Variants in PLXDC2 observed in about 807,000 individuals in gnomAD.
PLXDC2 encodes plexin domain containing 2.
A neutral mutation model predicts 68.9 loss-of-function variants in PLXDC2; 40 were observed. The ratio of observed to expected loss-of-function variants is 0.58; its 90% CI spans 0.45 to 0.76. PLXDC2 has a LOEUF of 0.76. Among genes scored for constraint, PLXDC2 ranks in the 30% least tolerant of loss-of-function variants. The pLI is 0.00. For synonymous variants in PLXDC2, 243 were observed against 234.2 expected, an observed-to-expected ratio of 1.04 and a Z score of -0.34; for missense variants, 644 against 661.9, an observed-to-expected ratio of 0.97 and a Z score of 0.30.
At chr10:20,217,221 C>A (rs1473086017) in intron 10 of PLXDC2, among the ~76,000 whole-genome samples, 1 of 152,106 alleles carries the variant, frequency 6.6e-6, no homozygotes, top group East Asian at 1.9e-4. Flanking sequence ...AAGGGAAATG[C>A]CTTGTTCCAT....
chr10:20,083,034 G>A (rs1836598223), intron 4 of PLXDC2, among the ~76,000 whole-genome samples: 1 of 152,078 alleles, frequency 6.6e-6, no homozygotes, highest in South Asian at 2.1e-4. Flanking sequence ...AAGAAAAGTA[G>A]ATATGCTTCC....
At chr10:19,908,581 C>T (rs980960132) in intron 1 of PLXDC2, among the ~76,000 whole-genome samples, 1 of 152,038 alleles carries the variant, frequency 6.6e-6, no homozygotes, top group African/African-American at 2.4e-5. Flanking sequence ...AAAAAATGCA[C>T]ATATTAAGAT....
intron 13 of PLXDC2, among the ~76,000 whole-genome samples, chr10:20,274,722 C>T (rs1835983187): frequency 6.6e-6 from 1 of 152,114 alleles, no homozygotes; most frequent in South Asian, 2.1e-4. Context: ...ACCTACATTT[C>T]ATGAAGCAAA....
At chr10:19,885,870 G>GT (rs1284971950) in intron 1 of PLXDC2, among the ~76,000 whole-genome samples, 29 of 152,074 alleles carry the variant, frequency 1.9e-4, no homozygotes, top group Non-Finnish European at 3.8e-4. Flanking sequence ...CTTTAAAGTA[G>GT]TTTTTTCCAA....
intron 6 of PLXDC2, among the ~76,000 whole-genome samples, chr10:20,154,859 G>A (rs1834198099): frequency 6.6e-6 from 1 of 151,760 alleles, no homozygotes; most frequent in African/African-American, 2.4e-5. Context: ...AAATAAAAAT[G>A]TCATATAATC....
At chr10:20,031,367 TA>T (rs1050524375) in intron 2 of PLXDC2, among the ~76,000 whole-genome samples, 219 of 145,724 alleles carry the variant, frequency 1.5e-3, no homozygotes, top group Middle Eastern at 3.5e-3. Context: ...AAGATCCTAT[TA>T]AAAAAAAAAA....
chr10:20,139,836 A>G (rs1028719140), intron 4 of PLXDC2, among the ~76,000 whole-genome samples: 1 of 136,192 alleles, frequency 7.3e-6, no homozygotes, highest in African/African-American at 2.7e-5. Context: ...GGGGAACATC[A>G]CACACGGGGG....
At position 20,063,937 on chromosome 10, in the gene PLXDC2, T is replaced by G. The variant is rs1352488733; in HGVS notation, c.472-4233T>G. ...TTTTTGTTTGGCTCAAAGTTACCAT[T>G]CCCCCTTCTTTTGAATAGTTAACTG... On this transcript the variant is annotated intron_variant, in intron 3 of 13. Coordinates refer to ENST00000377252, the MANE Select transcript of PLXDC2 (RefSeq NM_032812.9). Among the ~76,000 whole-genome samples the G allele has an allele frequency of 2.0e-5, 3 of 152,300 alleles. No homozygotes were observed. In the East Asian group the frequency reaches 5.8e-4, roughly 29 times the overall value.
At chr10:20,014,378 C>CCTTT (rs1835169786) in intron 2 of PLXDC2, among the ~76,000 whole-genome samples, 1 of 59,588 alleles carries the variant, frequency 1.7e-5, no homozygotes, top group African/African-American at 6.0e-5. Context: ...TTCCTTCCTT[C>CCTTT]CTTGCTTCCT....
In PLXDC2 at chr10:20,217,595, GCTTTTT is replaced by G; in HGVS notation, c.1273+20_1273+25del. The G allele has an allele frequency of 3.8e-6, 1 of 262,556 alleles. No individual in the cohort carries two copies. Among genetic ancestry groups the G allele is most frequent in the African/African-American group, 7.9e-5 (1 of 12,624 alleles). The allele number at this position is 262,556 out of a possible 1,614,324, so 16.3% of individuals were successfully genotyped here. On this transcript the variant is annotated intron_variant, in intron 11 of 13. Transcript: ENST00000377252. ...ACAGAAGGTACCCAAGAGATAGTTT[GCTTTTT>G]TTTTTTTTTTTTTTTTTTTTTTTCC...
chr10:19,817,607 T>A (rs539786005), intron 1 of PLXDC2, among the ~76,000 whole-genome samples: 1 of 152,280 alleles, frequency 6.6e-6, no homozygotes, highest in South Asian at 2.1e-4. Flanking sequence ...GGGGACGTTG[T>A]GAAAGCCAGG....
At chr10:19,909,034 C>T (rs922604508) in intron 1 of PLXDC2, among the ~76,000 whole-genome samples, 3 of 152,146 alleles carry the variant, frequency 2.0e-5, no homozygotes, top group African/African-American at 7.2e-5. Flanking sequence ...ATGACTGTTT[C>T]CTATGATGTG....
At chr10:20,255,191 GGATA>G (rs199581943) in intron 13 of PLXDC2, among the ~76,000 whole-genome samples, 10,663 of 96,672 alleles carry the variant, frequency 0.11, 367 homozygotes, top group East Asian at 0.2. Flanking sequence ...ATAGGTGGAT[GGATA>G]GATAGATAGA....
intron 2 of PLXDC2, among the ~76,000 whole-genome samples, chr10:20,046,219 T>C (rs985093367): frequency 2.0e-5 from 3 of 152,132 alleles, no homozygotes; most frequent in Non-Finnish European, 4.4e-5. Flanking sequence ...AAGGACCTTT[T>C]TGTTCTGGTG....
At chr10:19,856,379 G>GACACACACACACAC (rs34129216) in intron 1 of PLXDC2, among the ~76,000 whole-genome samples, 5 of 144,128 alleles carry the variant, frequency 3.5e-5, no homozygotes, top group East Asian at 2.0e-4. Context: ...CACACACACA[G>GACACACACACACAC]ACACACACAC....
In PLXDC2 at chr10:20,213,843, A is replaced by G. The variant is rs150244416; in HGVS notation, c.1122+2114A>G. ...CTTGATAAATGTACTCTTCAGCTAT[A>G]CTTCTCCACTCTCTTTATTTTCACC... On this transcript the variant is annotated intron_variant, in intron 10 of 13. Coordinates refer to ENST00000377252, the MANE Select transcript of PLXDC2 (RefSeq NM_032812.9). Among the ~76,000 whole-genome samples the G allele has an allele frequency of 3.9e-3, 599 of 152,204 alleles. 1 individual carries two copies. The highest frequency in any genetic ancestry group is 0.013 in the African/African-American group (527 of 41,562).
At chr10:20,170,858 A>G (rs536159254) in intron 7 of PLXDC2, among the ~76,000 whole-genome samples, 5 of 151,746 alleles carry the variant, frequency 3.3e-5, no homozygotes, top group African/African-American at 4.8e-5. Context: ...AATTTATTTA[A>G]TTAATATTTA....
At chr10:19,936,702 G>A (rs528791527) in intron 1 of PLXDC2, among the ~76,000 whole-genome samples, 5 of 152,130 alleles carry the variant, frequency 3.3e-5, no homozygotes, top group Non-Finnish European at 7.3e-5. Context: ...GTCCATGGTG[G>A]AGTATTTACG....
intron 12 of PLXDC2, 59 bp from the exon 13 acceptor site, chr10:20,245,286 G>A: frequency 6.6e-7 from 1 of 1,521,196 alleles, no homozygotes; most frequent in Non-Finnish European, 8.8e-7. Flanking sequence ...CTCCTCAGAT[G>A]AAAATGCAAA....
Sources: gnomAD v4.1 joint callset for allele counts (sites outside exome capture counted in the v4.1 genomes callset) on GRCh38, gnomAD v4.1.1 for gene constraint, MANE v1.5 for transcripts, NCBI Gene and HGNC (gene_info 2026-07-23, HGNC 2026-07-21) for gene names.